The following ETNK1 variants were observed in gnomAD, a reference collection of about 807,000 sequenced individuals.
The protein encoded by ETNK1 is ethanolamine kinase 1.
Under a neutral mutation model 45.1 loss-of-function variants are expected in ETNK1, and 8 were observed. The observed-to-expected ratio is 0.18, with a 90% confidence interval of 0.10 to 0.32. The LOEUF (loss-of-function observed/expected upper bound fraction) is 0.32. Among genes scored for constraint, ETNK1 ranks in the 10% least tolerant of loss-of-function variants. ETNK1 has a pLI of 1.00. For missense variants in ETNK1, 302 were observed against 430.6 expected (o/e 0.70, Z 2.64); for synonymous variants, 152 against 151.9 (o/e 1.00, Z -0.01).
intron 2 of ETNK1, among the ~76,000 whole-genome samples, chr12:22,648,673 A>C (rs1274709163): frequency 6.6e-6 from 1 of 152,108 alleles, no homozygotes; most frequent in Non-Finnish European, 1.5e-5. Flanking sequence ...TTAAGCTGCT[A>C]TAAGAATCCC....
intron 1 of ETNK1, chr12:22,626,302 T>C (rs2137506503): frequency 6.5e-6 from 1 of 153,170 alleles, no homozygotes; most frequent in South Asian, 2.0e-4. Flanking sequence ...TCTAGGAGTT[T>C]TCTAATAAGT....
chr12:22,669,896 TATTATA>T (rs1352299396), intron 4 of ETNK1, among the ~76,000 whole-genome samples: 18 of 152,112 alleles, frequency 1.2e-4, no homozygotes, highest in African/African-American at 4.3e-4. Context: ...ATCTTATATT[TATTATA>T]ATAATACACA....
At chr12:22,627,959 T>C (rs570942664) in intron 1 of ETNK1, among the ~76,000 whole-genome samples, 1 of 152,072 alleles carries the variant, frequency 6.6e-6, no homozygotes, top group Non-Finnish European at 1.5e-5. Context: ...TTGCTCAGAA[T>C]TTGTGGGTAC....
chr12:22,676,525 G>A (rs1209335083), intron 6 of ETNK1, among the ~76,000 whole-genome samples: 1 of 152,076 alleles, frequency 6.6e-6, no homozygotes, highest in Non-Finnish European at 1.5e-5. Context: ...TATATACCCA[G>A]TAATGGGATT....
chr12:22,647,978 T>C (rs1953828160), intron 2 of ETNK1, among the ~76,000 whole-genome samples: 1 of 151,954 alleles, frequency 6.6e-6, no homozygotes, highest in Non-Finnish European at 1.5e-5. Flanking sequence ...TGATTTTTAA[T>C]TACCTTCTTA....
chr12:22,674,316 AGCT>A (rs1954139367), intron 6 of ETNK1, among the ~76,000 whole-genome samples: 1 of 152,212 alleles, frequency 6.6e-6, no homozygotes, highest in Non-Finnish European at 1.5e-5. Context: ...AAGCTATTTT[AGCT>A]GCTGCTTTTT....
chr12:22,656,347 G>A (rs1455642643), intron 2 of ETNK1: 2 of 945,954 alleles, frequency 2.1e-6, no homozygotes, highest in African/African-American at 3.5e-5. Flanking sequence ...GGCAGCAAAA[G>A]TATTATAGTT....
At chr12:22,649,033 A>AG (rs1377066978) in intron 2 of ETNK1, among the ~76,000 whole-genome samples, 7 of 152,016 alleles carry the variant, frequency 4.6e-5, no homozygotes, top group African/African-American at 1.7e-4. Flanking sequence ...ATGTCTGATA[A>AG]GGTATTTGGT....
In ETNK1 at chr12:22,684,946, C is replaced by G; in HGVS notation, c.1084C>G (p.Pro362Ala). 1 of 1,601,856 alleles carries G rather than the reference C, an allele frequency of 6.2e-7. No homozygotes were observed. Among genetic ancestry groups the G allele is most frequent in the Non-Finnish European group, 8.5e-7 (1 of 1,174,206 alleles). Residue 362 changes from proline to alanine, a missense_variant, in exon 8 of 8, where the codon CCT becomes GCT. By Grantham distance (27) the Pro-to-Ala change is conservative (BLOSUM62 -1). Around this residue, in one of 3 missense-constraint regions of ETNK1, gnomAD observed 94 missense variants for 152.9 expected, o/e 0.61. Coordinates refer to ENST00000266517, the MANE Select transcript of ETNK1 (RefSeq NM_018638.5). Reference sequence around the variant, plus strand: ...GCCTGAGGTTACTGCATTAAAAGTGCCTGAGTAAAGAAGAGATTTAATTAT... The same window carrying G: ...GCCTGAGGTTACTGCATTAAAAGTGGCTGAGTAAAGAAGAGATTTAATTAT... ...MKPEVTALKV[P>A]E is the part of the protein sequence containing the mutation.
chr12:22,635,146 T>C (rs1185779963), intron 1 of ETNK1, among the ~76,000 whole-genome samples: 3 of 152,228 alleles, frequency 2.0e-5, no homozygotes, highest in African/African-American at 7.2e-5. Flanking sequence ...TACCAAGCGA[T>C]AGAGTCCTCA....
chr12:22,676,455 G>A (rs1308506376), intron 6 of ETNK1, among the ~76,000 whole-genome samples: 1 of 152,054 alleles, frequency 6.6e-6, no homozygotes, highest in Admixed American at 6.6e-5. Flanking sequence ...TGTGAATAGT[G>A]CCTCAGTAAA....
chr12:22,677,836 T>C lies in ETNK1; in HGVS notation c.945+4176T>C, dbSNP rs377722156. Among the ~76,000 whole-genome samples the C allele has an allele frequency of 1.2e-4, 19 of 152,320 alleles. No homozygotes were observed. In the East Asian group the frequency reaches 3.3e-3, roughly 26 times the overall value. On this transcript the variant is annotated intron_variant, in intron 6 of 7. Transcript: ENST00000266517. ...GTCTGTTATTGGTGTATGGGAATGC[T>C]TGTGATTTTTGTAAATTGATTTTTT... is the stretch of plus-strand genomic sequence containing the variant.
chr12:22,680,065 G>T (rs1954200378), intron 6 of ETNK1, among the ~76,000 whole-genome samples: 2 of 152,090 alleles, frequency 1.3e-5, no homozygotes, highest in African/African-American at 2.4e-5. Context: ...GTACTGTCTT[G>T]CTCAGTCTCT....
chr12:22,643,913 C>A lies in ETNK1; in HGVS notation c.307C>A (p.His103Asn), dbSNP rs769743781. Residue 103 changes from histidine to asparagine, a missense_variant, in exon 2 of 8, where the codon CAT becomes AAT. This residue lies in a region of ETNK1 where 205 missense variants were observed against 259.9 expected (regional missense o/e 0.79). Coordinates refer to ENST00000266517, the MANE Select transcript of ETNK1 (RefSeq NM_018638.5). ...AAAGAGTTTTCGAGTGTTGCAGGCTCATGGGTGTGCACCACAACTCTACTG... is the reference window on the plus strand; with the variant it reads ...AAAGAGTTTTCGAGTGTTGCAGGCTAATGGGTGTGCACCACAACTCTACTG... ...EVKSFRVLQA[H>N]GCAPQLYCTF... 5 of 1,613,450 alleles carry A rather than the reference C, an allele frequency of 3.1e-6. No individual in the cohort carries two copies. The Admixed American group carries it at 6.7e-5, about 22-fold the overall frequency.
chr12:22,683,169 G>C (rs373734804), intron 6 of ETNK1, among the ~76,000 whole-genome samples: 2 of 151,920 alleles, frequency 1.3e-5, no homozygotes, highest in Admixed American at 1.3e-4. Context: ...TAACTTTTAT[G>C]CTTCATGTGC....
rs749720605 is a variant in ETNK1 at position 22,684,853 on chromosome 12, A to G, written c.1020-29A>G. On this transcript the variant is annotated intron_variant, in intron 7 of 7. Coordinates refer to ENST00000266517, the MANE Select transcript of ETNK1 (RefSeq NM_018638.5). ...GGACCAAGTTTTTCAGCTTTGACTA[A>G]TTTTTTTGTTGTTCTCTTTTCTCAC... 13 of 1,570,622 alleles carry G rather than the reference A, an allele frequency of 8.3e-6. No homozygotes were observed. In the South Asian group the frequency reaches 1.3e-4, roughly 16 times the overall value.
intron 2 of ETNK1, chr12:22,656,551 T>G: frequency 1.0e-6 from 1 of 985,414 alleles, no homozygotes; most frequent in African/African-American, 1.7e-5. Context: ...GCAGAACTAC[T>G]GTGCCGAGCC....
intron 6 of ETNK1, among the ~76,000 whole-genome samples, chr12:22,679,688 G>A (rs1349249506): frequency 6.8e-6 from 1 of 146,662 alleles, no homozygotes; most frequent in Non-Finnish European, 1.5e-5. Context: ...CGTGTTTTTT[G>A]TTCTTGGTTT....
chr12:22,658,728 G>T (rs1487886240), intron 2 of ETNK1, among the ~76,000 whole-genome samples: 1 of 152,106 alleles, frequency 6.6e-6, no homozygotes, highest in Non-Finnish European at 1.5e-5. Context: ...GGGTTTCTGG[G>T]TAAAACAACC....
Sources: allele counts gnomAD v4.1 joint callset (sites outside exome capture counted in the v4.1 genomes callset), GRCh38; gene constraint gnomAD v4.1.1; regional missense constraint gnomAD v4.1.1; transcripts MANE v1.5; gene names NCBI Gene and HGNC (gene_info 2026-07-23, HGNC 2026-07-21).